The following SPHK2 variants were observed in gnomAD, a reference collection of about 807,000 sequenced individuals.
The protein encoded by SPHK2 is sphingosine kinase 2.
Under a neutral mutation model 32.3 loss-of-function variants are expected in SPHK2, and 18 were observed. The ratio of observed to expected loss-of-function variants is 0.56; its 90% CI spans 0.39 to 0.83. SPHK2 has a LOEUF of 0.83. Ranked by LOEUF, SPHK2 falls within the 40% of genes least tolerant of loss-of-function variation. The pLI, the probability that SPHK2 is intolerant of heterozygous loss-of-function variation, is 0.00. For synonymous variants in SPHK2, 462 were observed against 417.6 expected, an observed-to-expected ratio of 1.11 and a Z score of -1.30; for missense variants, 850 against 908.7, an observed-to-expected ratio of 0.94 and a Z score of 0.83.
chr19:48,626,495 C>A, intron 3 of SPHK2, 133 bp downstream of exon 3: 1 of 1,171,396 alleles, frequency 8.5e-7, no homozygotes, highest in Non-Finnish European at 1.1e-6. Flanking sequence ...AGGAGTGATA[C>A]ACAGGGATGG....
rs1426480089 is a variant in SPHK2, at chr19:48,629,044, CCACT to C, written c.1240_1243del (p.Ser414ProfsTer78). 1 of 1,613,350 alleles carries C rather than the reference CCACT, an allele frequency of 6.2e-7. No homozygotes were observed. The highest frequency in any genetic ancestry group is 1.7e-5 in the Admixed American group (1 of 59,968). On this transcript the variant is annotated frameshift_variant, in exon 7 of 7. Coordinates refer to ENST00000245222, the MANE Select transcript of SPHK2 (RefSeq NM_020126.5). LOFTEE classifies it low-confidence loss of function (END_TRUNC). The stretch of plus-strand genomic sequence containing the variant: ...CCCCAGACCCAGCCCCGCCCATGGC[CCACT>C]CACCCCTGCATCGTTCTGTGTCTGA...
Position 48,629,677 on chromosome 19 carries a change from G to A in SPHK2, c.1869G>A (p.Gly623=), listed in dbSNP as rs567934961. 96 of 1,608,022 alleles carry A rather than the reference G, an allele frequency of 6.0e-5. No homozygotes were observed. In the African/African-American group the frequency reaches 1.1e-3, roughly 19 times the overall value. Residue 623 remains glycine, a synonymous_variant, in exon 7 of 7, where the codon GGG becomes GGA. Transcript: ENST00000245222. ...LTPRGVLTVD[G]EQVEYGPLQA... is the part of the protein sequence containing the mutation. ...CACGCGGCGTGCTCACAGTGGACGGGGAGCAGGTGGAGTATGGGCCGCTAC... is the reference window on the plus strand; with the variant it reads ...CACGCGGCGTGCTCACAGTGGACGGAGAGCAGGTGGAGTATGGGCCGCTAC...
rs74494034 is a variant in SPHK2, at chr19:48,625,912, G to A, written c.61G>A (p.Gly21Arg). The A allele has an allele frequency of 9.1e-3, 14,722 of 1,611,860 alleles. 1,168 individuals are homozygous for A. The African/African-American group carries it at 0.17, about 19-fold the overall frequency. Residue 21 changes from glycine (G) to arginine (R), a missense_variant, in exon 3 of 7, where the codon GGG (glycine) becomes AGG (arginine). Transcript: ENST00000245222. ...QDQRPDQELT[G>R]SWGHGPRSTL... is the part of the protein sequence containing the mutation. The stretch of plus-strand genomic sequence containing the variant: ...ACAGAGGCCAGACCAGGAGCTGACC[G>A]GGAGCTGGGGCCACGGGCCTAGGAG...
chr19:48,625,570 G>T, intron 2 of SPHK2: 1 of 1,381,538 alleles, frequency 7.2e-7, no homozygotes, highest in Non-Finnish European at 9.5e-7. Context: ...TTCCTATGAA[G>T]GCAAGGATTT....
Position 48,626,262 on chromosome 19 carries a change from A to G in SPHK2, c.411A>G (p.Ala137=). The G allele has an allele frequency of 6.3e-7, 1 of 1,594,752 alleles. No individual in the cohort carries two copies. Among genetic ancestry groups the G allele is most frequent in the Non-Finnish European group, 8.5e-7 (1 of 1,177,570 alleles). The change falls in exon 3 of 7, where the codon GCA becomes GCG. Residue 137 remains alanine (A), a synonymous_variant. Coordinates refer to ENST00000245222, the MANE Select transcript of SPHK2 (RefSeq NM_020126.5). ...ARRRATRTFR[A]DGAATYEENR... is the part of the protein sequence containing the mutation. ...GCAGAGCCACTCGCACCTTCCGGGC[A>G]GATGGGGCCGCCACCTACGAAGAGA...
Position 48,628,345 on chromosome 19 carries a change from C to T in SPHK2, c.872+68C>T, listed in dbSNP as rs970202440. On this transcript the variant is annotated intron_variant, in intron 6 of 6. Coordinates refer to ENST00000245222, the MANE Select transcript of SPHK2 (RefSeq NM_020126.5). This position sits in a 1 kb window ranked among gnomAD's most constrained non-coding sequence, Gnocchi z 5.2. The stretch of plus-strand genomic sequence containing the variant: ...GGGTGATAGGGACCCCTATATCTCC[C>T]ACTCAGCCAAACCCACAGTCAGTCA... 3 of 1,419,730 alleles carry T rather than the reference C, an allele frequency of 2.1e-6. No individual in the cohort carries two copies. The highest frequency in any genetic ancestry group is 3.0e-6 in the Non-Finnish European group (3 of 1,011,562). 87.9% of individuals were successfully genotyped at this position (1,419,730 alleles called of 1,614,324 possible).
At position 48,630,332 on chromosome 19, in the gene SPHK2, C is replaced by T. The variant is rs937249749; in HGVS notation, c.*559C>T. The T allele has an allele frequency of 3.8e-6, 5 of 1,310,112 alleles. No homozygotes were observed. The African/African-American group carries it at 6.1e-5, about 16-fold the overall frequency. 81.2% of individuals were successfully genotyped at this position (1,310,112 alleles called of 1,614,324 possible). A position where few individuals can be genotyped will look rare whatever the true frequency, so the allele number is the denominator to read the frequency against. On this transcript the variant is annotated 3_prime_UTR_variant, in exon 7 of 7. Coordinates refer to ENST00000245222, the MANE Select transcript of SPHK2 (RefSeq NM_020126.5). This position sits in a 1 kb window ranked among gnomAD's most constrained non-coding sequence, Gnocchi z 4.9. The stretch of plus-strand genomic sequence containing the variant: ...ATTCATATCCCCTGTTCGTCTCATG[C>T]GCGTCCTCCGTCCCCAATCTAAAAA...
rs1269731094 is a variant in SPHK2 at position 48,620,526 on chromosome 19, C to T, written c.12C>T (p.His4=). Residue 4 remains histidine, a synonymous_variant, in exon 2 of 7, where the codon CAC becomes CAT. Transcript: ENST00000245222. MNG[H]LEAEEQQDQR... ...CAGAGGACCAGCAGATGAATGGACA[C>T]CTTGAAGCAGAGGAGCAGCAGGACC... 3.1e-6 allele frequency: 5 copies of T among 1,613,014 alleles called. No homozygotes were observed. The East Asian group carries it at 1.1e-4, about 36-fold the overall frequency.
At chr19:48,624,512 A>T (rs1974529205) in intron 2 of SPHK2, 1 of 152,384 alleles carries the variant, frequency 6.6e-6, no homozygotes, top group Non-Finnish European at 1.5e-5. Context: ...CAGGCCCGGG[A>T]CTGGGGCACC....
rs774359148 is a variant in SPHK2 at position 48,628,094 on chromosome 19, A to G, written c.756+25A>G. 5 of 1,578,380 alleles carry G rather than the reference A, an allele frequency of 3.2e-6. No homozygotes were observed. The South Asian group carries it at 5.7e-5, about 18-fold the overall frequency. The stretch of plus-strand genomic sequence containing the variant: ...GGTAGAGCAGGAGCACCCTGCCCCT[A>G]GCCCTGGGCCCTGGGGGACTATAGA... On this transcript the variant is annotated intron_variant, in intron 5 of 6. Transcript: ENST00000245222. The surrounding 1 kb of genome is among the most constrained non-coding windows in gnomAD (Gnocchi z 5.2).
rs2030486293 is a variant in SPHK2, at chr19:48,630,181, C to T, written c.*408C>T. 2.4e-6 allele frequency: 3 copies of T among 1,248,154 alleles called. No individual in the cohort carries two copies. Among genetic ancestry groups the T allele is most frequent in the South Asian group, 6.1e-5 (2 of 32,576 alleles). The allele number at this position is 1,248,154 out of a possible 1,614,324, so 77.3% of individuals were successfully genotyped here. On this transcript the variant is annotated 3_prime_UTR_variant, in exon 7 of 7. Coordinates refer to ENST00000245222, the MANE Select transcript of SPHK2 (RefSeq NM_020126.5). This position sits in a 1 kb window ranked among gnomAD's most constrained non-coding sequence, Gnocchi z 4.9. ...CAGTGAGTCGGCCGGTCAGGGCCCG[C>T]AGCCTCGCCCCATCCACTCCGGTGC...
At chr19:48,625,480 T>G (rs1426256504) in intron 2 of SPHK2, 2 of 1,214,588 alleles carry the variant, frequency 1.6e-6, no homozygotes, top group Admixed American at 6.9e-5. Context: ...CCATTCCCCT[T>G]CCTGTGCCTT....
chr19:48,628,779 C>T lies in SPHK2; in HGVS notation c.971C>T (p.Ala324Val). 1.2e-6 allele frequency: 2 copies of T among 1,613,446 alleles called. No individual in the cohort carries two copies. Among genetic ancestry groups the T allele is most frequent in the Non-Finnish European group, 1.7e-6 (2 of 1,180,022 alleles). The change falls in exon 7 of 7, where the codon GCC (alanine) becomes GTC (valine). Residue 324 changes from alanine to valine, a missense_variant. Coordinates refer to ENST00000245222, the MANE Select transcript of SPHK2 (RefSeq NM_020126.5). The surrounding 1 kb of genome is among the most constrained non-coding windows in gnomAD (Gnocchi z 5.2). ...CTGGACCTGCTCTCCGTGACGCTGG[C>T]CTCGGGCTCCCGCTGTTTCTCCTTC... Reference protein sequence around the residue: ...HPLDLLSVTLASGSRCFSFLS... With the variant: ...HPLDLLSVTLVSGSRCFSFLS...
chr19:48,622,895 GC>G (rs1020198136), intron 2 of SPHK2, among the ~76,000 whole-genome samples: 61 of 150,160 alleles, frequency 4.1e-4, no homozygotes, highest in African/African-American at 1.4e-3. Flanking sequence ...CTCCTGAGTA[GC>G]TGGGATTACA....
intron 2 of SPHK2, among the ~76,000 whole-genome samples, chr19:48,621,602 G>A (rs927331353): frequency 2.6e-5 from 4 of 152,180 alleles, no homozygotes; most frequent in African/African-American, 7.2e-5. Context: ...CTGAGGGGTT[G>A]AGGAGGATAC....
At chr19:48,627,906 G>C (rs1386213374) in intron 4 of SPHK2, 65 bp downstream of exon 4, 2 of 1,573,868 alleles carry the variant, frequency 1.3e-6, no homozygotes, top group East Asian at 4.5e-5. Context: ...GCAAAGTGGT[G>C]GGTGGGACTC....
chr19:48,628,934 C>T lies in SPHK2; in HGVS notation c.1126C>T (p.Leu376Phe), dbSNP rs1057113761. Residue 376 changes from leucine to phenylalanine, a missense_variant, in exon 7 of 7, where the codon CTC (leucine) becomes TTC (phenylalanine). Leu to Phe is a conservative substitution (Grantham distance 22). This residue lies in a region of SPHK2 where 544 missense variants were observed against 640.0 expected (regional missense o/e 0.85). Transcript: ENST00000245222. The surrounding 1 kb of genome is among the most constrained non-coding windows in gnomAD (Gnocchi z 5.2). ...CACACTGCACACCTACCGCGGACGC[C>T]TCTCCTACCTCCCCGCCACTGTGGA... ...LATLHTYRGRLSYLPATVEPA... is the reference protein window; with the variant it reads ...LATLHTYRGRFSYLPATVEPA... 6.2e-7 allele frequency: 1 copy of T among 1,613,318 alleles called. No homozygotes were observed. The highest frequency in any genetic ancestry group is 8.5e-7 in the Non-Finnish European group (1 of 1,180,006).
Position 48,629,887 on chromosome 19 carries a change from C to G in SPHK2, c.*114C>G, listed in dbSNP as rs778689519. On this transcript the variant is annotated 3_prime_UTR_variant, in exon 7 of 7. Coordinates refer to ENST00000245222, the MANE Select transcript of SPHK2 (RefSeq NM_020126.5). ...GTTGTGGTGGCAGGGGCCCTGGCCC[C>G]GTCTCAGGATTGCGCTCGCTTTCAT... The G allele has an allele frequency of 1.4e-4, 205 of 1,449,886 alleles. No homozygotes were observed. Among genetic ancestry groups the G allele is most frequent in the Non-Finnish European group, 1.8e-4 (198 of 1,102,132 alleles). 89.8% of individuals were successfully genotyped at this position (1,449,886 alleles called of 1,614,324 possible).
chr19:48,622,713 T>C (rs1974452025), intron 2 of SPHK2, among the ~76,000 whole-genome samples: 1 of 151,618 alleles, frequency 6.6e-6, no homozygotes, highest in Non-Finnish European at 1.5e-5. Flanking sequence ...GGATGCTAGG[T>C]ACATGATTTG....
Sources: gnomAD v4.1 joint callset for allele counts (sites outside exome capture counted in the v4.1 genomes callset) on GRCh38, gnomAD v4.1.1 for gene constraint, gnomAD v4.1.1 regional missense constraint, Gnocchi (gnomAD v3.1) non-coding constraint, MANE v1.5 for transcripts, NCBI Gene and HGNC (gene_info 2026-07-23, HGNC 2026-07-21) for gene names.